Variants in SLC30A8 observed in about 807,000 individuals in gnomAD.
SLC30A8 encodes solute carrier family 30 member 8.
Under a neutral mutation model 36.9 loss-of-function variants are expected in SLC30A8, and 27 were observed. The ratio of observed to expected loss-of-function variants is 0.73; its 90% CI spans 0.54 to 1.01. The LOEUF (loss-of-function observed/expected upper bound fraction) is 1.01, where lower values mean the gene tolerates loss of function less well. Among genes scored for constraint, SLC30A8 ranks in the 50% least tolerant of loss-of-function variants. The pLI is 0.00. For missense variants in SLC30A8, 439 were observed against 452.0 expected, an observed-to-expected ratio of 0.97 and a Z score of 0.26; for synonymous variants, 164 against 172.4, an observed-to-expected ratio of 0.95 and a Z score of 0.38.
At chr8:117,095,557 C>T (rs1819325362) in intron 2 of SLC30A8, among the ~76,000 whole-genome samples, 1 of 152,020 alleles carries the variant, frequency 6.6e-6, no homozygotes, top group South Asian at 2.1e-4. Flanking sequence ...TTGCTCATCT[C>T]CCAAACGGAG....
intron 1 of SLC30A8, among the ~76,000 whole-genome samples, chr8:116,971,098 TAAC>T (rs765190292): frequency 6.6e-6 from 1 of 151,804 alleles, no homozygotes; most frequent in Non-Finnish European, 1.5e-5. Context: ...TGTCTCACAA[TAAC>T]AACAACAACA....
chr8:117,135,419 C>T (rs1284541067), intron 1 of SLC30A8, 21 bp downstream of exon 1: 3 of 1,552,150 alleles, frequency 1.9e-6, no homozygotes, highest in Non-Finnish European at 2.6e-6. Context: ...TCTGTGTCTG[C>T]TTCACAATTT....
chr8:116,957,780 C>G (rs1814267998), intron 1 of SLC30A8, among the ~76,000 whole-genome samples: 1 of 152,188 alleles, frequency 6.6e-6, no homozygotes, highest in South Asian at 2.1e-4. Flanking sequence ...TAGACTGGTG[C>G]TGACATGCTG....
intron 1 of SLC30A8, among the ~76,000 whole-genome samples, chr8:117,016,036 T>C (rs1197411218): frequency 6.6e-6 from 1 of 152,000 alleles, no homozygotes; most frequent in Non-Finnish European, 1.5e-5. Flanking sequence ...AGAGCAAACG[T>C]TGGTAAGAGA....
chr8:116,968,792 A>C (rs1439240996), intron 1 of SLC30A8, among the ~76,000 whole-genome samples: 1 of 152,040 alleles, frequency 6.6e-6, no homozygotes. Context: ...GCTGGAGTGC[A>C]ATGGCACGAT....
chr8:117,055,922 G>A (rs766724942), intron 2 of SLC30A8: 1 of 152,300 alleles, frequency 6.6e-6, no homozygotes, highest in Non-Finnish European at 1.5e-5. Context: ...GCTTTTCTTG[G>A]TGGTCTGACT....
rs397891282 is a variant in SLC30A8, at chr8:117,015,548, C to CA, written c.-265-23663dup. Among the ~76,000 whole-genome samples the CA allele has an allele frequency of 4.0e-3, 558 of 139,104 alleles. 3 individuals are homozygous for CA. The highest frequency in any genetic ancestry group is 0.014 in the African/African-American group (497 of 36,702). 91.3% of individuals were successfully genotyped at this position (139,104 alleles called of 152,430 possible). A position where few individuals can be genotyped will look rare whatever the true frequency, so the allele number is the denominator to read the frequency against. ...GATGCTATTATGCACCCCCCCCCCC[C>CA]AAAAAAAAGAGGGCGAGGGAGGGCT... On this transcript the variant is annotated intron_variant, in intron 1 of 10. Transcript: ENST00000427715.
chr8:116,991,380 A>G (rs1403250093), intron 1 of SLC30A8, among the ~76,000 whole-genome samples: 1 of 151,570 alleles, frequency 6.6e-6, no homozygotes, highest in African/African-American at 2.4e-5. Context: ...ATCTTGGTTC[A>G]CTGCAACCTA....
At chr8:117,069,531 ACTT>A (rs1322895434) in intron 2 of SLC30A8, among the ~76,000 whole-genome samples, 1 of 152,218 alleles carries the variant, frequency 6.6e-6, no homozygotes, top group East Asian at 1.9e-4. Context: ...GTTAGTGACT[ACTT>A]CCAACATTTG....
intron 2 of SLC30A8, among the ~76,000 whole-genome samples, chr8:117,048,558 C>T (rs1817618973): frequency 6.6e-6 from 1 of 152,154 alleles, no homozygotes; most frequent in Non-Finnish European, 1.5e-5. Flanking sequence ...CTTCATTTAT[C>T]ACTAGATCCT....
At chr8:117,119,730 T>C (rs1451313280) in intron 2 of SLC30A8, among the ~76,000 whole-genome samples, 2 of 151,948 alleles carry the variant, frequency 1.3e-5, no homozygotes, top group Admixed American at 6.6e-5. Flanking sequence ...AGTACAGCAG[T>C]GCTATATTAA....
intron 1 of SLC30A8, among the ~76,000 whole-genome samples, chr8:116,961,532 TAAAAC>T (rs1346273892): frequency 3.3e-5 from 5 of 151,902 alleles, no homozygotes; most frequent in Non-Finnish European, 5.9e-5. Flanking sequence ...CAAAGAGAAA[TAAAAC>T]TGCAGAATGG....
intron 1 of SLC30A8, among the ~76,000 whole-genome samples, chr8:116,968,467 T>A (rs1369281025): frequency 6.6e-6 from 1 of 151,592 alleles, no homozygotes; most frequent in African/African-American, 2.4e-5. Context: ...GGGGACTGTT[T>A]TATTCATGGC....
chr8:117,146,742 T>C (rs1010924650), intron 1 of SLC30A8: 1 of 1,233,684 alleles, frequency 8.1e-7, no homozygotes, highest in Non-Finnish European at 1.1e-6. Flanking sequence ...TTTGACTGAA[T>C]AAAAGTAAAA....
chr8:116,984,569 G>A (rs547685165), intron 1 of SLC30A8, among the ~76,000 whole-genome samples: 31 of 152,226 alleles, frequency 2.0e-4, no homozygotes, highest in Middle Eastern at 3.4e-3. Context: ...GTCTTCTCAT[G>A]TGCTTATTTA....
chr8:117,106,421 C>G (rs1038940424), intron 2 of SLC30A8, among the ~76,000 whole-genome samples: 3 of 152,068 alleles, frequency 2.0e-5, no homozygotes, highest in Non-Finnish European at 4.4e-5. Flanking sequence ...TTTGTACCAA[C>G]CTAATACATT....
intron 2 of SLC30A8, among the ~76,000 whole-genome samples, chr8:117,058,983 T>G (rs1486152161): frequency 1.5e-4 from 23 of 152,040 alleles, no homozygotes; most frequent in Admixed American, 1.5e-3. Context: ...TTTTACCTAA[T>G]TTAAAAAAAT....
At chr8:117,158,585 C>T (rs1822621615) in intron 4 of SLC30A8, among the ~76,000 whole-genome samples, 1 of 152,208 alleles carries the variant, frequency 6.6e-6, no homozygotes, top group Non-Finnish European at 1.5e-5. Flanking sequence ...ATTCTTTTAT[C>T]TAGGCAGTCT....
chr8:117,057,760 C>T (rs1159634371), intron 2 of SLC30A8, among the ~76,000 whole-genome samples: 1 of 152,094 alleles, frequency 6.6e-6, no homozygotes, highest in East Asian at 1.9e-4. Flanking sequence ...CAACACACTA[C>T]ACTATATTTT....
Sources: gnomAD v4.1 joint callset for allele counts (sites outside exome capture counted in the v4.1 genomes callset) on GRCh38, gnomAD v4.1.1 for gene constraint, MANE v1.5 for transcripts, NCBI Gene and HGNC (gene_info 2026-07-23, HGNC 2026-07-21) for gene names.